ALPK1: variants seen among roughly 807,000 people sequenced by gnomAD.
ALPK1 encodes the protein alpha kinase 1.
A neutral mutation model predicts 120.6 loss-of-function variants in ALPK1; 110 were observed. The ratio of observed to expected loss-of-function variants is 0.91; its 90% CI spans 0.78 to 1.07. The LOEUF is 1.07. Among genes scored for constraint, ALPK1 ranks in the 50% least tolerant of loss-of-function variants. ALPK1 has a pLI of 0.00. For synonymous variants in ALPK1, 582 were observed against 560.3 expected, an observed-to-expected ratio of 1.04 and a Z score of -0.55; for missense variants, 1,498 against 1,483.9, an observed-to-expected ratio of 1.01 and a Z score of -0.16.
intron 3 of ALPK1, 104 bp from the exon 4 acceptor site, chr4:112,382,287 CTCTTTTT>C: frequency 1.0e-6 from 1 of 999,346 alleles, no homozygotes; most frequent in Non-Finnish European, 1.4e-6. Context: ...AAAGGTTTTT[CTCTTTTT>C]TTTTTTTTTT....
At chr4:112,378,313 G>A (rs980560448) in intron 3 of ALPK1, among the ~76,000 whole-genome samples, 7 of 152,036 alleles carry the variant, frequency 4.6e-5, no homozygotes, top group African/African-American at 1.2e-4. Context: ...CCATAAATAC[G>A]TCATCTCACC....
At chr4:112,430,073 C>A (rs980466369) in intron 10 of ALPK1, among the ~76,000 whole-genome samples, 3 of 152,110 alleles carry the variant, frequency 2.0e-5, no homozygotes, top group African/African-American at 7.2e-5. Flanking sequence ...TCATATATGG[C>A]ATCCTTATTT....
At position 112,316,984 on chromosome 4, in the gene ALPK1, C is replaced by G. The variant is rs569372766; in HGVS notation, c.-101+1132C>G. Among the ~76,000 whole-genome samples the G allele has an allele frequency of 2.6e-5, 4 of 152,214 alleles. 1 individual carries two copies. The South Asian group carries it at 8.3e-4, about 32-fold the overall frequency. ...AGCACTTTAAACAACAACAAAAAAA[C>G]TTTAGTGGATGAATCAAATAACAGA... On this transcript the variant is annotated intron_variant, in intron 2 of 15. Coordinates refer to ENST00000650871, the MANE Select transcript of ALPK1 (RefSeq NM_025144.4).
intron 2 of ALPK1, among the ~76,000 whole-genome samples, chr4:112,349,867 TAAAA>T (rs570463966): frequency 4.7e-4 from 71 of 152,238 alleles, no homozygotes; most frequent in African/African-American, 1.6e-3. Flanking sequence ...TTTAATTTTT[TAAAA>T]AAACTCTTAA....
intron 2 of ALPK1, among the ~76,000 whole-genome samples, chr4:112,354,643 T>C (rs1218590803): frequency 6.6e-6 from 1 of 152,024 alleles, no homozygotes; most frequent in South Asian, 2.1e-4. Flanking sequence ...AATTTTTGTG[T>C]TTTTAGTAGA....
In ALPK1 at chr4:112,382,490, G is replaced by A. The variant is rs908251763; in HGVS notation, c.214G>A (p.Val72Met). Residue 72 changes from valine to methionine, a missense_variant, in exon 4 of 16, where the codon GTG (valine) becomes ATG (methionine). By Grantham distance (21) the Val-to-Met change is conservative (BLOSUM62 1). Coordinates refer to ENST00000650871, the MANE Select transcript of ALPK1 (RefSeq NM_025144.4). ...TGAAAAGTGGCAGTACAAACAAGCC[G>A]TGGGCCCAGAGGACAAAACAAACCT... The part of the protein sequence containing the change: ...VPEKWQYKQA[V>M]GPEDKTNLKD... 24 of 1,613,968 alleles carry A rather than the reference G, an allele frequency of 1.5e-5. No individual in the cohort carries two copies. Among genetic ancestry groups the A allele is most frequent in the Admixed American group, 3.3e-5 (2 of 59,992 alleles).
intron 2 of ALPK1, among the ~76,000 whole-genome samples, chr4:112,333,986 CTT>C (rs889427626): frequency 2.0e-5 from 3 of 151,434 alleles, no homozygotes; most frequent in African/African-American, 7.3e-5. Flanking sequence ...TATTTTTTAA[CTT>C]AACATAGAGC....
chr4:112,410,164 A>G lies in ALPK1; in HGVS notation c.277-1663A>G, dbSNP rs570639459. 2.4e-4 allele frequency among the ~76,000 whole-genome samples: 36 copies of G among 151,650 alleles called. No homozygotes were observed. In the South Asian group the frequency reaches 7.1e-3, roughly 30 times the overall value. On this transcript the variant is annotated intron_variant, in intron 4 of 15. Transcript: ENST00000650871. ...CAGATCTCTGAACTTGCTTTGTGCA[A>G]CTCTCTTCTTCTGGTACTCTGCCCT...
At position 112,440,798 on chromosome 4, in the gene ALPK1, G is replaced by T. The variant is rs1389153847; in HGVS notation, c.3539-119G>T. On this transcript the variant is annotated intron_variant, in intron 14 of 15. Coordinates refer to ENST00000650871, the MANE Select transcript of ALPK1 (RefSeq NM_025144.4). ...TAAACCACAGGATGGCCAAGTTTTT[G>T]AATTATCTCTTTAAGTGTGTGTGTG... is the stretch of plus-strand genomic sequence containing the variant. 6 of 1,367,744 alleles carry T rather than the reference G, an allele frequency of 4.4e-6. No individual in the cohort carries two copies. The African/African-American group carries it at 4.7e-5, about 11-fold the overall frequency. 84.7% of individuals were successfully genotyped at this position (1,367,744 alleles called of 1,614,324 possible).
chr4:112,373,298 A>T (rs1233108492), intron 2 of ALPK1, among the ~76,000 whole-genome samples: 1 of 152,230 alleles, frequency 6.6e-6, no homozygotes, highest in African/African-American at 2.4e-5. Flanking sequence ...AGGAATGAAC[A>T]TATGCTCCTG....
At chr4:112,361,663 T>C (rs1223193294) in intron 2 of ALPK1, among the ~76,000 whole-genome samples, 2 of 152,188 alleles carry the variant, frequency 1.3e-5, no homozygotes, top group African/African-American at 4.8e-5. Context: ...GGACATACTC[T>C]CTTGAGAGCT....
At chr4:112,357,519 G>T in intron 2 of ALPK1, 1 of 877,958 alleles carries the variant, frequency 1.1e-6, no homozygotes. Context: ...TGCGCAAGCT[G>T]GTCTGTCAGG....
At chr4:112,360,680 A>G (rs1338313189) in intron 2 of ALPK1, among the ~76,000 whole-genome samples, 1 of 152,218 alleles carries the variant, frequency 6.6e-6, no homozygotes, top group East Asian at 1.9e-4. Flanking sequence ...TCTCTAAAGT[A>G]CATACTTTAG....
Position 112,432,209 on chromosome 4 carries a change from C to G in ALPK1, c.2662C>G (p.Pro888Ala), listed in dbSNP as rs371283857. ...GCCGCCTGGTCAGAGGGCGGAGACC[C>G]CCAATTCCTCTGTAAGCGGTAACAT... ...RQPPGQRAET[P>A]NSSVSGNILF... The change falls in exon 11 of 16, where the codon CCC (proline) becomes GCC (alanine). Residue 888 changes from proline to alanine, a missense_variant. By Grantham distance (27) the Pro-to-Ala change is conservative. Coordinates refer to ENST00000650871, the MANE Select transcript of ALPK1 (RefSeq NM_025144.4). The G allele has an allele frequency of 1.9e-6, 3 of 1,614,064 alleles. No individual in the cohort carries two copies. In the African/African-American group the frequency reaches 4.0e-5, roughly 22 times the overall value.
chr4:112,382,329 C>A, intron 3 of ALPK1, 69 bp from the exon 4 acceptor site: 137 of 906,724 alleles, frequency 1.5e-4, no homozygotes, highest in Middle Eastern at 8.1e-4. Flanking sequence ...GGTGCTTCAT[C>A]ATAACATTGG....
chr4:112,308,732 C>A (rs565813649), intron 1 of ALPK1, among the ~76,000 whole-genome samples: 1 of 152,106 alleles, frequency 6.6e-6, no homozygotes, highest in African/African-American at 2.4e-5. Context: ...TCGTCTGAAG[C>A]CTTCTTCTCT....
chr4:112,426,065 A>G (rs1282694383), intron 7 of ALPK1: 1 of 233,522 alleles, frequency 4.3e-6, no homozygotes, highest in East Asian at 1.0e-4. Flanking sequence ...GACACCTTAT[A>G]CTATACCCAC....
At chr4:112,403,450 C>A (rs1733017474) in intron 4 of ALPK1, among the ~76,000 whole-genome samples, 1 of 152,180 alleles carries the variant, frequency 6.6e-6, no homozygotes, top group East Asian at 1.9e-4. Flanking sequence ...AGAAAAGATT[C>A]TCCTGAGTTG....
chr4:112,414,614 A>AG, intron 5 of ALPK1: 1 of 176,732 alleles, frequency 5.7e-6, no homozygotes, highest in Non-Finnish European at 1.2e-5. Flanking sequence ...GTCTCAAAAA[A>AG]AAAAAAAGAG....
Sources: allele counts gnomAD v4.1 joint callset (sites outside exome capture counted in the v4.1 genomes callset), GRCh38; gene constraint gnomAD v4.1.1; transcripts MANE v1.5; gene names NCBI Gene and HGNC (gene_info 2026-07-23, HGNC 2026-07-21).